The following FGF13 variants were observed in gnomAD, a reference collection of about 807,000 sequenced individuals.
FGF13 encodes fibroblast growth factor homologous factor 2.
Under a neutral mutation model 19.5 loss-of-function variants are expected in FGF13, and 2 were observed. That is an observed-to-expected ratio of 0.10 (90% CI 0.04 to 0.32). The LOEUF is 0.32. FGF13 is among the 10% of genes least tolerant of loss of function. The probability of loss-of-function intolerance (pLI) is 1.00; values close to 1 mark genes in which losing one functional copy is unlikely to be tolerated. For missense variants in FGF13, 113 were observed against 192.7 expected (o/e 0.59, Z 2.45); for synonymous variants, 72 against 76.9 (o/e 0.94, Z 0.33).
chrX:139,176,609 G>T (rs1395544727), intron 1 of FGF13, among the ~76,000 whole-genome samples: 1 of 110,565 alleles, frequency 9.0e-6, no homozygotes, highest in Non-Finnish European at 1.9e-5. Flanking sequence ...AGATTCTGCT[G>T]CATTGTGTCT....
chrX:138,745,383 CCTCTCT>C (rs375156101), intron 3 of FGF13, among the ~76,000 whole-genome samples: 1 of 111,103 alleles, frequency 9.0e-6, no homozygotes, highest in African/African-American at 3.3e-5. Context: ...TTGTGCAGTT[CCTCTCT>C]CTCTCTGAGG....
chrX:138,757,523 T>C (rs763125691), intron 3 of FGF13, among the ~76,000 whole-genome samples: 1 of 109,666 alleles, frequency 9.1e-6, no homozygotes, highest in African/African-American at 3.5e-5. Flanking sequence ...CTAGCTGCTC[T>C]GTGAATTTTT....
chrX:138,989,473 T>C (rs562363294), intron 1 of FGF13, among the ~76,000 whole-genome samples: 1 of 112,024 alleles, frequency 8.9e-6, no homozygotes, highest in South Asian at 3.7e-4. Context: ...AATTTTTCCA[T>C]ATTTAGAAAT....
intron 1 of FGF13, among the ~76,000 whole-genome samples, chrX:139,162,600 A>C (rs1319464795): frequency 8.9e-6 from 1 of 112,017 alleles, no homozygotes; most frequent in East Asian, 2.8e-4. Context: ...CAGAGTGAAC[A>C]GGTACCCTAC....
At chrX:138,794,773 T>A (rs1444057399) in intron 3 of FGF13, among the ~76,000 whole-genome samples, 1 of 111,966 alleles carries the variant, frequency 8.9e-6, no homozygotes, top group African/African-American at 3.3e-5. Flanking sequence ...GGTGTGCTTT[T>A]AACAGTCTCT....
chrX:139,139,170 C>T (rs777790685), intron 1 of FGF13, among the ~76,000 whole-genome samples: 3 of 111,004 alleles, frequency 2.7e-5, no homozygotes, highest in South Asian at 3.9e-4. Context: ...TGACCTCAAA[C>T]GATCTGCCTG....
At chrX:139,105,282 G>C (rs2083551753) in intron 1 of FGF13, among the ~76,000 whole-genome samples, 1 of 111,457 alleles carries the variant, frequency 9.0e-6, no homozygotes, top group Non-Finnish European at 1.9e-5. Context: ...AATGTGGTAT[G>C]GAGGAACAGG....
intron 1 of FGF13, among the ~76,000 whole-genome samples, chrX:139,160,988 C>A (rs1390998346): frequency 1.8e-5 from 2 of 111,951 alleles, no homozygotes; most frequent in African/African-American, 3.3e-5. Context: ...CTCCCTAACT[C>A]ATTTTATGAG....
chrX:138,806,295 C>G (rs765516892), intron 3 of FGF13: 2 of 112,129 alleles, frequency 1.8e-5, no homozygotes, highest in African/African-American at 6.5e-5. Flanking sequence ...ATATTAGGAG[C>G]GTGAATCTCA....
chrX:139,108,729 A>T (rs769450988), intron 1 of FGF13, among the ~76,000 whole-genome samples: 1 of 110,200 alleles, frequency 9.1e-6, no homozygotes, highest in Non-Finnish European at 1.9e-5. Flanking sequence ...TAGGTTTGTT[A>T]CATACGTAAA....
At chrX:139,157,114 A>C (rs1305167387) in intron 1 of FGF13, among the ~76,000 whole-genome samples, 2 of 111,253 alleles carry the variant, frequency 1.8e-5, no homozygotes, top group African/African-American at 3.3e-5. Flanking sequence ...GATTATTATC[A>C]TTATTATTAT....
In FGF13 at chrX:138,627,634, T is replaced by TGTGTGC. The variant is rs2089077722; in HGVS notation, c.*5215_*5216insGCACAC. On this transcript the variant is annotated 3_prime_UTR_variant, in exon 5 of 5. Transcript: ENST00000315930. ...GTGTGTGTGTGTGTGTGTGCGCGTG[T>TGTGTGC]GTGTGTGTGTGTGTGTGAAGTGTTT... 2.0e-5 allele frequency: 2 copies of TGTGTGC among 102,157 alleles called. No individual in the cohort carries two copies. The highest frequency in any genetic ancestry group is 7.6e-5 in the African/African-American group (2 of 26,350). The allele number at this position is 102,157 out of a possible 1,213,427, so 8.4% of individuals were successfully genotyped here. A position where few individuals can be genotyped will look rare whatever the true frequency, so the allele number is the denominator to read the frequency against.
chrX:138,804,484 A>C (rs960042360), intron 3 of FGF13, among the ~76,000 whole-genome samples: 6 of 112,096 alleles, frequency 5.4e-5, no homozygotes, highest in African/African-American at 1.9e-4. Flanking sequence ...TAATTGTTCA[A>C]TGAATGCACT....
intron 3 of FGF13, among the ~76,000 whole-genome samples, chrX:138,811,377 TAGG>T (rs979160321): frequency 9.1e-6 from 1 of 110,291 alleles, no homozygotes; most frequent in Non-Finnish European, 1.9e-5. Flanking sequence ...TTCTCACTTG[TAGG>T]TGGGAACTGA....
upstream of FGF13, chrX:139,204,186 G>T: frequency 1.0e-6 from 1 of 970,029 alleles, no homozygotes; most frequent in Non-Finnish European, 1.5e-6. Flanking sequence ...AGAGTGCTTA[G>T]GGCGGCAAGT....
At chrX:138,726,544 ATTC>A (rs1293756569) in intron 1 of FGF13, among the ~76,000 whole-genome samples, 2 of 111,971 alleles carry the variant, frequency 1.8e-5, no homozygotes, top group Non-Finnish European at 3.8e-5. Flanking sequence ...TGTTTTTGTT[ATTC>A]TTCTTGTTGA....
chrX:138,991,522 AG>A, intron 1 of FGF13, among the ~76,000 whole-genome samples: 1 of 111,983 alleles, frequency 8.9e-6, no homozygotes, highest in African/African-American at 3.2e-5. Flanking sequence ...TCATCTCTAA[AG>A]GTCTTTTCAG....
intron 1 of FGF13, among the ~76,000 whole-genome samples, chrX:138,980,674 GGTTTTT>G (rs1220625533): frequency 1.6e-3 from 54 of 33,850 alleles, no homozygotes; most frequent in African/African-American, 5.3e-3. Context: ...CCAGAAGTGT[GGTTTTT>G]TTTTTTTTTT....
intron 3 of FGF13, among the ~76,000 whole-genome samples, chrX:138,757,588 G>T (rs2090439344): frequency 9.0e-6 from 1 of 110,861 alleles, no homozygotes; most frequent in African/African-American, 3.3e-5. Context: ...CCAATAGTGA[G>T]CTGGCAGTAT....
Sources: gnomAD v4.1 joint callset for allele counts (sites outside exome capture counted in the v4.1 genomes callset) on GRCh38, gnomAD v4.1.1 for gene constraint, MANE v1.5 for transcripts, NCBI Gene and HGNC (gene_info 2026-07-23, HGNC 2026-07-21) for gene names.